Variants in DCC observed in about 807,000 individuals in gnomAD.
DCC encodes netrin receptor DCC.
A neutral mutation model predicts 172.5 loss-of-function variants in DCC; 58 were observed. That is an observed-to-expected ratio of 0.34 (90% confidence interval 0.27 to 0.42). The LOEUF (loss-of-function observed/expected upper bound fraction) is 0.42. Ranked by LOEUF, DCC falls within the 10% of genes least tolerant of loss-of-function variation. The probability of loss-of-function intolerance (pLI) is 1.00; values close to 1 mark genes in which losing one functional copy is unlikely to be tolerated. For missense variants in DCC, 1,740 were observed against 1,791.0 expected, an observed-to-expected ratio of 0.97 and a Z score of 0.51; for synonymous variants, 709 against 644.5, an observed-to-expected ratio of 1.10 and a Z score of -1.52.
chr18:53,395,940 C>A (rs549714080), intron 17 of DCC, among the ~76,000 whole-genome samples: 26 of 152,200 alleles, frequency 1.7e-4, no homozygotes, highest in African/African-American at 6.3e-4. Context: ...ACAGCGCCAA[C>A]CTACAATTAT....
At chr18:53,359,492 G>A (rs746462171) in intron 15 of DCC, among the ~76,000 whole-genome samples, 10 of 152,078 alleles carry the variant, frequency 6.6e-5, no homozygotes, top group Non-Finnish European at 8.8e-5. Flanking sequence ...CAAGAATCCA[G>A]AGTTAAAAGA....
chr18:53,308,601 A>C (rs1382252620), intron 13 of DCC, among the ~76,000 whole-genome samples: 1 of 152,180 alleles, frequency 6.6e-6, no homozygotes, highest in Non-Finnish European at 1.5e-5. Context: ...TGCTAGCGTT[A>C]ATTGCTTAGT....
intron 4 of DCC, among the ~76,000 whole-genome samples, chr18:52,924,798 G>C (rs1206549669): frequency 6.6e-6 from 1 of 151,960 alleles, no homozygotes; most frequent in African/African-American, 2.4e-5. Flanking sequence ...GCACATCAAG[G>C]TGTGTTCTCT....
At chr18:52,952,923 A>G (rs2040676526) in intron 5 of DCC, among the ~76,000 whole-genome samples, 1 of 143,520 alleles carries the variant, frequency 7.0e-6, no homozygotes, top group Non-Finnish European at 1.5e-5. Context: ...GATTGATCCC[A>G]GGAAGTCAAG....
At chr18:52,470,465 A>G (rs1490599771) in intron 1 of DCC, among the ~76,000 whole-genome samples, 3 of 152,152 alleles carry the variant, frequency 2.0e-5, no homozygotes, top group Admixed American at 6.5e-5. Flanking sequence ...ATCTCTTGTA[A>G]CATTGAGGAA....
intron 1 of DCC, among the ~76,000 whole-genome samples, chr18:52,686,106 C>A (rs2035829696): frequency 6.6e-6 from 1 of 152,110 alleles, no homozygotes; most frequent in Non-Finnish European, 1.5e-5. Context: ...TTCCTCAAAT[C>A]TTAGGAATTC....
intron 1 of DCC, among the ~76,000 whole-genome samples, chr18:52,391,503 A>G (rs34363402): frequency 0.095 from 14,438 of 152,204 alleles, 865 homozygotes; most frequent in South Asian, 0.16. Context: ...AGAGAACCAG[A>G]AGGAATTAAG....
At chr18:52,440,322 G>T (rs1166240270) in intron 1 of DCC, among the ~76,000 whole-genome samples, 3 of 152,122 alleles carry the variant, frequency 2.0e-5, no homozygotes, top group Non-Finnish European at 2.9e-5. Flanking sequence ...AAATCCACAA[G>T]GATGGTTCTT....
intron 1 of DCC, among the ~76,000 whole-genome samples, chr18:52,618,974 G>A (rs1366849968): frequency 6.6e-6 from 1 of 152,062 alleles, no homozygotes; most frequent in Non-Finnish European, 1.5e-5. Context: ...GTTTGCATTT[G>A]TCGCCCAGGC....
At chr18:52,889,552 AT>A (rs1228646194) in intron 2 of DCC, among the ~76,000 whole-genome samples, 1 of 152,138 alleles carries the variant, frequency 6.6e-6, no homozygotes, top group African/African-American at 2.4e-5. Context: ...TAAAGCAGGG[AT>A]TGAGAAGTGG....
At position 53,078,199 on chromosome 18, in the gene DCC, G is replaced by A. The variant is rs569057273; in HGVS notation, c.1261+12033G>A. 2.0e-5 allele frequency among the ~76,000 whole-genome samples: 3 copies of A among 152,242 alleles called. No homozygotes were observed. In the South Asian group the frequency reaches 6.2e-4, roughly 32 times the overall value. On this transcript the variant is annotated intron_variant, in intron 7 of 28. Coordinates refer to ENST00000442544, the MANE Select transcript of DCC (RefSeq NM_005215.4). ...CCAGCTACTTGGGAGATTGAGATGG[G>A]AGGAGCACTTGATCTCGGAAGTTTG... is the stretch of plus-strand genomic sequence containing the variant.
At chr18:53,228,347 C>T (rs1247447886) in intron 12 of DCC, among the ~76,000 whole-genome samples, 1 of 152,106 alleles carries the variant, frequency 6.6e-6, no homozygotes, top group African/African-American at 2.4e-5. Context: ...AAGGTTATTT[C>T]CGTTACAATC....
At chr18:52,715,683 A>C (rs1024128238) in intron 1 of DCC, among the ~76,000 whole-genome samples, 4 of 151,948 alleles carry the variant, frequency 2.6e-5, no homozygotes, top group African/African-American at 9.7e-5. Flanking sequence ...CTAAAACGGC[A>C]CTCCTAAAAG....
intron 12 of DCC, among the ~76,000 whole-genome samples, chr18:53,272,410 T>C (rs2056759486): frequency 6.6e-6 from 1 of 152,154 alleles, no homozygotes; most frequent in Non-Finnish European, 1.5e-5. Context: ...ATACCAGTTT[T>C]GAGTTTTGAA....
intron 12 of DCC, among the ~76,000 whole-genome samples, chr18:53,304,294 G>C (rs567356278): frequency 1.3e-5 from 2 of 152,102 alleles, no homozygotes; most frequent in African/African-American, 2.4e-5. Context: ...CTTTTACCCA[G>C]TATTTCCCTG....
intron 8 of DCC, among the ~76,000 whole-genome samples, chr18:53,169,729 C>T (rs879624369): frequency 8.5e-5 from 13 of 152,070 alleles, no homozygotes; most frequent in Admixed American, 3.3e-4. Context: ...GAGTTGTTAA[C>T]GCAGTGAGAG....
At chr18:52,871,606 C>G (rs1182676034) in intron 2 of DCC, among the ~76,000 whole-genome samples, 1 of 152,106 alleles carries the variant, frequency 6.6e-6, no homozygotes, top group African/African-American at 2.4e-5. Context: ...AGGTGCACAC[C>G]AGTGTGCCCA....
intron 1 of DCC, among the ~76,000 whole-genome samples, chr18:52,665,904 C>T (rs1599001194): frequency 6.6e-6 from 1 of 152,166 alleles, no homozygotes; most frequent in South Asian, 2.1e-4. Context: ...GGTTCACTTG[C>T]TCAAATTAAT....
chr18:53,367,081 T>G (rs559419222), intron 15 of DCC, among the ~76,000 whole-genome samples: 44 of 152,330 alleles, frequency 2.9e-4, no homozygotes, highest in Non-Finnish European at 5.1e-4. Flanking sequence ...TTTATTGTAT[T>G]GCACACAAGA....
Sources: allele counts gnomAD v4.1 joint callset (sites outside exome capture counted in the v4.1 genomes callset), GRCh38; gene constraint gnomAD v4.1.1; transcripts MANE v1.5; gene names NCBI Gene and HGNC (gene_info 2026-07-23, HGNC 2026-07-21).